The following RAB3IP variants were observed in gnomAD, a reference collection of about 807,000 sequenced individuals.
RAB3IP encodes RAB3A interacting protein.
A neutral mutation model predicts 59.1 loss-of-function variants in RAB3IP; 36 were observed. The observed-to-expected ratio is 0.61, with a 90% CI of 0.47 to 0.80. RAB3IP has a LOEUF of 0.80. Ranked by LOEUF, RAB3IP falls within the 30% of genes least tolerant of loss-of-function variation. RAB3IP has a pLI of 0.00. For synonymous variants in RAB3IP, 207 were observed against 191.2 expected, an observed-to-expected ratio of 1.08 and a Z score of -0.68; for missense variants, 511 against 536.0, an observed-to-expected ratio of 0.95 and a Z score of 0.46.
intron 3 of RAB3IP, among the ~76,000 whole-genome samples, chr12:69,766,481 G>A (rs550440766): frequency 9.3e-5 from 14 of 150,662 alleles, no homozygotes; most frequent in African/African-American, 1.5e-4. Context: ...AATTCCTTAC[G>A]TCAGTTTTTT....
At chr12:69,796,676 G>C in intron 6 of RAB3IP, 1 of 589,962 alleles carries the variant, frequency 1.7e-6, no homozygotes, top group East Asian at 3.1e-5. Context: ...GGTTAAATCT[G>C]AATGTAACCA....
intron 4 of RAB3IP, among the ~76,000 whole-genome samples, chr12:69,791,208 T>TA (rs1470302816): frequency 6.6e-6 from 1 of 152,112 alleles, no homozygotes; most frequent in African/African-American, 2.4e-5. Context: ...ATTAAAGACT[T>TA]ACACATAAGA....
chr12:69,761,381 T>C (rs952982095), intron 3 of RAB3IP, among the ~76,000 whole-genome samples: 5 of 152,230 alleles, frequency 3.3e-5, no homozygotes, highest in Non-Finnish European at 7.3e-5. Flanking sequence ...TTTTCATTTC[T>C]AGGGGATCAC....
chr12:69,766,673 C>A (rs1038623684), intron 3 of RAB3IP, among the ~76,000 whole-genome samples: 3 of 152,044 alleles, frequency 2.0e-5, no homozygotes, highest in Non-Finnish European at 4.4e-5. Flanking sequence ...AGGCGCCTGC[C>A]ACCATGCCCA....
intron 8 of RAB3IP, among the ~76,000 whole-genome samples, chr12:69,807,470 C>G (rs115812401): frequency 0.04 from 5,666 of 140,620 alleles, 120 homozygotes; most frequent in Non-Finnish European, 0.047. Context: ...GACGGCTGGG[C>G]AGAGGCGCTC....
At position 69,763,602 on chromosome 12, in the gene RAB3IP, A is replaced by G. The variant is rs192475724; in HGVS notation, c.510+6939A>G. Among the ~76,000 whole-genome samples the G allele has an allele frequency of 2.7e-4, 41 of 152,272 alleles. 1 individual carries two copies. The East Asian group carries it at 6.5e-3, about 24-fold the overall frequency. On this transcript the variant is annotated intron_variant, in intron 3 of 10. Transcript: ENST00000247833. ...CTTCAGGATCTTGATCTCACTTGTT[A>G]AAATTTTTTTTTCTTCAACTTTTAT...
At chr12:69,780,839 T>G (rs1271255879) in intron 3 of RAB3IP, among the ~76,000 whole-genome samples, 1 of 152,044 alleles carries the variant, frequency 6.6e-6, no homozygotes, top group Non-Finnish European at 1.5e-5. Context: ...TTTTGGAAGG[T>G]TTGATTTTTG....
intron 6 of RAB3IP, among the ~76,000 whole-genome samples, chr12:69,798,231 T>C (rs1177620935): frequency 6.6e-6 from 1 of 152,234 alleles, no homozygotes; most frequent in Non-Finnish European, 1.5e-5. Context: ...TGGTGTGAGA[T>C]GGTATCTCAT....
chr12:69,802,065 G>GTTGTTT (rs1444013866), intron 8 of RAB3IP, among the ~76,000 whole-genome samples: 4 of 151,308 alleles, frequency 2.6e-5, no homozygotes. Context: ...AGAAACCGGA[G>GTTGTTT]TTGTTTTTGT....
chr12:69,800,336 A>T lies in RAB3IP; in HGVS notation c.1016A>T (p.Glu339Val). The T allele has an allele frequency of 6.4e-7, 1 of 1,557,500 alleles. No individual in the cohort carries two copies. Among genetic ancestry groups the T allele is most frequent in the Non-Finnish European group, 8.7e-7 (1 of 1,150,844 alleles). Residue 339 changes from glutamate (E) to valine (V), a missense_variant and splice_region_variant, in exon 7 of 11, where the codon GAG becomes GTG. Glu to Val is a moderately radical substitution (Grantham distance 121). Transcript: ENST00000247833. ...IFPCLTFSKS[E>V]LASAVLEAVE... ...CCATGTTTAACATTCTCAAAAAGTG[A>T]GGTAATTTTTTTTCATTTTAGTAGG...
chr12:69,798,080 G>A (rs955100366), intron 6 of RAB3IP, among the ~76,000 whole-genome samples: 12 of 152,108 alleles, frequency 7.9e-5, no homozygotes, highest in South Asian at 2.1e-4. Context: ...CTAGTTCTAG[G>A]TCCCTGAGGA....
chr12:69,789,825 T>C (rs1565907796), intron 4 of RAB3IP, among the ~76,000 whole-genome samples: 3 of 152,158 alleles, frequency 2.0e-5, no homozygotes, highest in African/African-American at 7.2e-5. Context: ...TAGAATGATA[T>C]AATAATATAC....
intron 8 of RAB3IP, among the ~76,000 whole-genome samples, chr12:69,810,691 T>C (rs1438784527): frequency 1.1e-5 from 1 of 91,276 alleles, no homozygotes; most frequent in Non-Finnish European, 2.2e-5. Flanking sequence ...TAGATTGGGG[T>C]GGGGGGATGG....
chr12:69,814,876 A>G (rs1051353061), intron 10 of RAB3IP, among the ~76,000 whole-genome samples: 10 of 152,206 alleles, frequency 6.6e-5, no homozygotes, highest in Admixed American at 5.9e-4. Flanking sequence ...TTTGAGCCAT[A>G]CACAAAACCT....
intron 8 of RAB3IP, among the ~76,000 whole-genome samples, chr12:69,802,798 T>A (rs11177865): frequency 0.33 from 50,824 of 152,084 alleles, 8,796 homozygotes; most frequent in South Asian, 0.37. Flanking sequence ...TCAGCAAGAT[T>A]ACAGAATGTT....
chr12:69,747,586 C>T (rs1442511197), intron 1 of RAB3IP, among the ~76,000 whole-genome samples: 1 of 152,164 alleles, frequency 6.6e-6, no homozygotes, highest in African/African-American at 2.4e-5. Flanking sequence ...ATTACAAGAA[C>T]CACTGTGCCT....
At chr12:69,747,212 T>C (rs1217400505) in intron 1 of RAB3IP, among the ~76,000 whole-genome samples, 1 of 152,132 alleles carries the variant, frequency 6.6e-6, no homozygotes, top group Non-Finnish European at 1.5e-5. Context: ...TCTTAATTGG[T>C]AAGTGCCAGA....
chr12:69,785,104 C>T (rs1249993330), intron 4 of RAB3IP: 1 of 201,330 alleles, frequency 5.0e-6, no homozygotes, highest in East Asian at 1.3e-4. Context: ...TATTTACGGG[C>T]TACTTTAGAT....
chr12:69,747,605 A>G (rs1868540550), intron 1 of RAB3IP, among the ~76,000 whole-genome samples: 1 of 152,202 alleles, frequency 6.6e-6, no homozygotes, highest in African/African-American at 2.4e-5. Flanking sequence ...CTGACCTGTC[A>G]TCTCCATTTT....
Sources: allele counts gnomAD v4.1 joint callset (sites outside exome capture counted in the v4.1 genomes callset), GRCh38; gene constraint gnomAD v4.1.1; transcripts MANE v1.5; gene names NCBI Gene and HGNC (gene_info 2026-07-23, HGNC 2026-07-21).